The following CSMD3 variants were observed in gnomAD, a reference collection of about 807,000 sequenced individuals.
The protein encoded by CSMD3 is CUB and Sushi multiple domains 3, also known as CUB and sushi domain-containing protein 3.
A neutral mutation model predicts 435.2 loss-of-function variants in CSMD3; 177 were observed. That is an observed-to-expected ratio of 0.41 (90% CI 0.36 to 0.46). The LOEUF (loss-of-function observed/expected upper bound fraction) is 0.46, where lower values mean the gene tolerates loss of function less well. Among genes scored for constraint, CSMD3 ranks in the 20% least tolerant of loss-of-function variants. The pLI, the probability that CSMD3 is intolerant of heterozygous loss-of-function variation, is 0.34. For synonymous variants in CSMD3, 1,656 were observed against 1,520.5 expected (o/e 1.09, Z -2.07); for missense variants, 4,265 against 4,504.6 (o/e 0.95, Z 1.52).
intron 2 of CSMD3, among the ~76,000 whole-genome samples, chr8:113,307,908 T>C (rs1223065550): frequency 6.6e-6 from 1 of 152,176 alleles, no homozygotes; most frequent in Non-Finnish European, 1.5e-5. Context: ...GAAAAGCTAT[T>C]TGGCAGTTTT....
chr8:113,333,943 T>A (rs1020984414), intron 1 of CSMD3, among the ~76,000 whole-genome samples: 4 of 151,926 alleles, frequency 2.6e-5, no homozygotes, highest in Non-Finnish European at 5.9e-5. Flanking sequence ...ATCTTGAACT[T>A]CTTCTACTAG....
At chr8:113,412,109 G>A (rs1325100936) in intron 1 of CSMD3, among the ~76,000 whole-genome samples, 3 of 152,018 alleles carry the variant, frequency 2.0e-5, no homozygotes, top group African/African-American at 4.8e-5. Flanking sequence ...TAGAGTGTTT[G>A]ATGTTATTAC....
At chr8:112,783,780 G>T (rs754231949) in intron 13 of CSMD3, among the ~76,000 whole-genome samples, 16 of 151,490 alleles carry the variant, frequency 1.1e-4, no homozygotes, top group Non-Finnish European at 2.2e-4. Context: ...CAAGAAAAAA[G>T]CAGGAGTGGC....
chr8:112,434,527 A>G (rs1343205966), intron 32 of CSMD3, among the ~76,000 whole-genome samples: 12 of 152,058 alleles, frequency 7.9e-5, no homozygotes, highest in Admixed American at 7.9e-4. Context: ...ACATAATACC[A>G]TCTAAAATGC....
chr8:113,055,670 A>C (rs1343829809), intron 5 of CSMD3, among the ~76,000 whole-genome samples: 1 of 152,222 alleles, frequency 6.6e-6, no homozygotes, highest in Non-Finnish European at 1.5e-5. Flanking sequence ...AAATATTAGA[A>C]GGATGAGCAT....
At chr8:113,260,542 T>C (rs1043955094) in intron 3 of CSMD3, among the ~76,000 whole-genome samples, 1 of 152,128 alleles carries the variant, frequency 6.6e-6, no homozygotes, top group African/African-American at 2.4e-5. Flanking sequence ...TCCTTTGTCC[T>C]TGTCTCAGTT....
At chr8:112,546,982 AC>A (rs55923560) in intron 27 of CSMD3, among the ~76,000 whole-genome samples, 6,288 of 152,270 alleles carry the variant, frequency 0.041, 190 homozygotes, top group Non-Finnish European at 0.065. Flanking sequence ...ATTGGTGAAG[AC>A]TGTTCTGCTA....
intron 22 of CSMD3, among the ~76,000 whole-genome samples, chr8:112,594,172 G>A (rs982445121): frequency 2.4e-4 from 36 of 152,122 alleles, no homozygotes; most frequent in South Asian, 8.3e-4. Context: ...CACCGTGTGC[G>A]AGCCGAAGCA....
chr8:112,508,333 A>G (rs1285085334), intron 28 of CSMD3, among the ~76,000 whole-genome samples: 1 of 152,176 alleles, frequency 6.6e-6, no homozygotes, highest in Non-Finnish European at 1.5e-5. Context: ...CATGACCTAG[A>G]TAAGCTGTCT....
chr8:113,249,336 G>T (rs1200541578), intron 3 of CSMD3, among the ~76,000 whole-genome samples: 2 of 151,990 alleles, frequency 1.3e-5, no homozygotes, highest in African/African-American at 4.8e-5. Flanking sequence ...ATCTTGGACA[G>T]CTTAGCTTAA....
intron 3 of CSMD3, among the ~76,000 whole-genome samples, chr8:113,256,565 G>T (rs1389461643): frequency 6.6e-6 from 1 of 152,170 alleles, no homozygotes; most frequent in African/African-American, 2.4e-5. Flanking sequence ...CAATTGTCAA[G>T]AATGTATTTC....
intron 10 of CSMD3, among the ~76,000 whole-genome samples, chr8:112,881,253 G>A (rs926176548): frequency 6.6e-6 from 1 of 151,926 alleles, no homozygotes. Flanking sequence ...TCCTGAGGGT[G>A]TATATTTGGG....
rs2131054915 is a variant in CSMD3, at chr8:112,351,237, G to A, written c.6263C>T (p.Ser2088Phe). Reference protein sequence around the residue: ...CDQGYSLQGHSHITCMPGPVR... With the variant: ...CDQGYSLQGHFHITCMPGPVR... ...AGGTCCTGGCATACATGTAATGTGAGAGTGACCCTACATAAACAAAATGAT... is the reference window on the plus strand; with the variant it reads ...AGGTCCTGGCATACATGTAATGTGAAAGTGACCCTACATAAACAAAATGAT... Residue 2088 changes from serine to phenylalanine, a missense_variant, in exon 40 of 71, where the codon TCT (serine) becomes TTT (phenylalanine). By Grantham distance (155) the Ser-to-Phe change is radical (BLOSUM62 -2). Coordinates refer to ENST00000297405, the MANE Select transcript of CSMD3 (RefSeq NM_198123.2). 1.2e-6 allele frequency: 2 copies of A among 1,606,918 alleles called. No homozygotes were observed. Among genetic ancestry groups the A allele is most frequent in the South Asian group, 1.1e-5 (1 of 90,918 alleles).
In CSMD3 at chr8:112,336,725, G is replaced by A. The variant is rs1258218455; in HGVS notation, c.6946C>T (p.Pro2316Ser). The change falls in exon 44 of 71, where the codon CCC (proline) becomes TCC (serine). Residue 2316 changes from proline (P) to serine (S), a missense_variant. Physicochemically the swap from Pro to Ser is moderately conservative, Grantham distance 74. Coordinates refer to ENST00000297405, the MANE Select transcript of CSMD3 (RefSeq NM_198123.2). ...TTGATGTAGATGCCATTCCCAGGGG[G>A]TACTCTTACAAGCCAAAAACAATCT... ...FQDCFWLVRV[P>S]PGNGIYINFT... 1.2e-5 allele frequency: 19 copies of A among 1,612,864 alleles called. No individual in the cohort carries two copies. Among genetic ancestry groups the A allele is most frequent in the South Asian group, 2.2e-5 (2 of 91,062 alleles).
chr8:112,588,734 G>A (rs1266302778), intron 22 of CSMD3, among the ~76,000 whole-genome samples: 1 of 152,054 alleles, frequency 6.6e-6, no homozygotes, highest in African/African-American at 2.4e-5. Flanking sequence ...GTAGGCTTTT[G>A]AAGTTTGTTA....
intron 5 of CSMD3, among the ~76,000 whole-genome samples, chr8:113,032,062 G>C (rs2087133398): frequency 6.6e-6 from 1 of 151,634 alleles, no homozygotes; most frequent in Non-Finnish European, 1.5e-5. Flanking sequence ...ATGTGAAACT[G>C]TGAGTAAATT....
chr8:113,260,960 T>C (rs1004735174), intron 3 of CSMD3, among the ~76,000 whole-genome samples: 4 of 152,158 alleles, frequency 2.6e-5, no homozygotes, highest in African/African-American at 9.7e-5. Flanking sequence ...ACATTTTCTT[T>C]ATCCAGTCTA....
chr8:113,281,897 T>C (rs549871472), intron 2 of CSMD3, among the ~76,000 whole-genome samples: 1 of 152,058 alleles, frequency 6.6e-6, no homozygotes, highest in South Asian at 2.1e-4. Context: ...TCAGCATTTG[T>C]TTGTCTGAAA....
At chr8:112,233,511 C>A (rs1261237714) in intron 68 of CSMD3, among the ~76,000 whole-genome samples, 3 of 152,072 alleles carry the variant, frequency 2.0e-5, no homozygotes, top group African/African-American at 4.8e-5. Flanking sequence ...ATACAGAATG[C>A]AGAAATAGGA....
Sources: allele counts gnomAD v4.1 joint callset (sites outside exome capture counted in the v4.1 genomes callset), GRCh38; gene constraint gnomAD v4.1.1; transcripts MANE v1.5; gene names NCBI Gene and HGNC (gene_info 2026-07-23, HGNC 2026-07-21).